Variants in SPHKAP observed in about 807,000 individuals in gnomAD.
SPHKAP encodes A-kinase anchor protein SPHKAP.
SPHKAP carries 67 observed loss-of-function variants against 137.5 expected under a neutral mutation model. The observed-to-expected ratio is 0.49, with a 90% CI of 0.40 to 0.60. SPHKAP has a LOEUF of 0.60. Among genes scored for constraint, SPHKAP ranks in the 20% least tolerant of loss-of-function variants. SPHKAP has a pLI of 0.00. For synonymous variants in SPHKAP, 813 were observed against 785.3 expected (o/e 1.04, Z -0.59); for missense variants, 2,097 against 2,069.3 (o/e 1.01, Z -0.26).
chr2:228,067,314 A>G (rs575258457), intron 3 of SPHKAP, among the ~76,000 whole-genome samples: 1 of 152,378 alleles, frequency 6.6e-6, no homozygotes, highest in East Asian at 1.9e-4. Context: ...AAATAGATCT[A>G]TTTTAAAAAA....
At chr2:228,113,882 A>T (rs1698612383) in intron 2 of SPHKAP, among the ~76,000 whole-genome samples, 1 of 152,138 alleles carries the variant, frequency 6.6e-6, no homozygotes, top group African/African-American at 2.4e-5. Context: ...TAAGTAAAAG[A>T]GAATAAAAAT....
chr2:228,070,509 G>C (rs911092874), intron 3 of SPHKAP, among the ~76,000 whole-genome samples: 22 of 152,092 alleles, frequency 1.4e-4, no homozygotes, highest in Non-Finnish European at 1.0e-4. Flanking sequence ...CTTAGTCTCG[G>C]TGCCTCTATC....
chr2:228,114,076 C>A (rs1182889287), intron 2 of SPHKAP, among the ~76,000 whole-genome samples: 1 of 152,066 alleles, frequency 6.6e-6, no homozygotes, highest in Non-Finnish European at 1.5e-5. Context: ...GAGTTGCTTT[C>A]TGAGAAGGAA....
chr2:228,146,341 A>T (rs1057343662), intron 1 of SPHKAP, among the ~76,000 whole-genome samples: 2 of 152,184 alleles, frequency 1.3e-5, no homozygotes, highest in African/African-American at 4.8e-5. Context: ...TGACACATAT[A>T]TCCACCATTA....
chr2:228,152,194 T>C (rs1699955567), intron 1 of SPHKAP, among the ~76,000 whole-genome samples: 1 of 152,180 alleles, frequency 6.6e-6, no homozygotes, highest in Admixed American at 6.5e-5. Context: ...TCGGTTGTAG[T>C]ATTCTATATA....
chr2:228,062,178 T>C (rs1358640992), intron 3 of SPHKAP, among the ~76,000 whole-genome samples: 1 of 151,848 alleles, frequency 6.6e-6, no homozygotes, highest in Non-Finnish European at 1.5e-5. Flanking sequence ...TTTTTCTTTT[T>C]TTTTTTTTAA....
At chr2:228,131,036 T>A (rs1699233898) in intron 2 of SPHKAP, among the ~76,000 whole-genome samples, 1 of 152,092 alleles carries the variant, frequency 6.6e-6, no homozygotes, top group African/African-American at 2.4e-5. Flanking sequence ...ACTTGAAAAC[T>A]AGAAACTTAT....
At chr2:228,061,092 T>G (rs1696616340) in intron 3 of SPHKAP, among the ~76,000 whole-genome samples, 1 of 152,108 alleles carries the variant, frequency 6.6e-6, no homozygotes, top group African/African-American at 2.4e-5. Flanking sequence ...ATGTGTGGGT[T>G]TTCTTTTCTT....
intron 5 of SPHKAP, 176 bp from the exon 6 acceptor site, chr2:228,022,142 T>C (rs185245718): frequency 3.6e-4 from 357 of 985,072 alleles, no homozygotes; most frequent in Non-Finnish European, 4.1e-4. Context: ...CAAGTGATGT[T>C]TGGAACACAA....
intron 3 of SPHKAP, among the ~76,000 whole-genome samples, chr2:228,058,437 A>G (rs1696521618): frequency 6.6e-6 from 1 of 152,160 alleles, no homozygotes; most frequent in South Asian, 2.1e-4. Flanking sequence ...TTAACATTTT[A>G]CTGTACTCTG....
intron 1 of SPHKAP, among the ~76,000 whole-genome samples, chr2:228,147,532 A>G (rs756912394): frequency 6.6e-6 from 1 of 152,198 alleles, no homozygotes; most frequent in Non-Finnish European, 1.5e-5. Flanking sequence ...TTCTTATGCC[A>G]TAAGGTGTGG....
intron 1 of SPHKAP, among the ~76,000 whole-genome samples, chr2:228,144,577 A>G (rs1262683160): frequency 6.6e-6 from 1 of 151,940 alleles, no homozygotes; most frequent in East Asian, 1.9e-4. Flanking sequence ...AATATATACT[A>G]TTTTGTGACT....
chr2:228,118,891 T>C (rs1402193717), intron 2 of SPHKAP, among the ~76,000 whole-genome samples: 3 of 152,198 alleles, frequency 2.0e-5, no homozygotes, highest in African/African-American at 7.2e-5. Flanking sequence ...AAAAAACCAT[T>C]TTCCTTTTCA....
intron 2 of SPHKAP, among the ~76,000 whole-genome samples, chr2:228,117,313 T>C (rs557020252): frequency 1.3e-5 from 2 of 152,230 alleles, no homozygotes; most frequent in Admixed American, 6.6e-5. Context: ...TATTAATGAA[T>C]GTGTGCTGGA....
chr2:228,155,229 T>C (rs1700075018), intron 1 of SPHKAP, among the ~76,000 whole-genome samples: 1 of 152,154 alleles, frequency 6.6e-6, no homozygotes, highest in Admixed American at 6.5e-5. Flanking sequence ...TGTTCATTTT[T>C]TTTTTTGGGT....
intron 1 of SPHKAP, among the ~76,000 whole-genome samples, chr2:228,162,443 C>A (rs1353039710): frequency 1.3e-5 from 2 of 152,160 alleles, no homozygotes; most frequent in Admixed American, 6.5e-5. Context: ...GATTGGTAAG[C>A]TTTATCTTAG....
chr2:228,044,162 C>G (rs1695946299), intron 3 of SPHKAP, among the ~76,000 whole-genome samples: 1 of 152,134 alleles, frequency 6.6e-6, no homozygotes, highest in African/African-American at 2.4e-5. Flanking sequence ...ATTGAGCAAA[C>G]ACTTTGTACA....
At chr2:228,088,603 G>A (rs1170101754) in intron 3 of SPHKAP, among the ~76,000 whole-genome samples, 1 of 152,216 alleles carries the variant, frequency 6.6e-6, no homozygotes, top group Non-Finnish European at 1.5e-5. Context: ...ATGGTGAAAT[G>A]TAATTTCCAA....
At chr2:228,062,399 ACAGG>A (rs72217939) in intron 3 of SPHKAP, among the ~76,000 whole-genome samples, 2,795 of 152,118 alleles carry the variant, frequency 0.018, 77 homozygotes, top group African/African-American at 0.062. Context: ...TGCTGGGATT[ACAGG>A]CAGGCGTGAG....
Sources: gnomAD v4.1 joint callset for allele counts (sites outside exome capture counted in the v4.1 genomes callset) on GRCh38, gnomAD v4.1.1 for gene constraint, MANE v1.5 for transcripts, NCBI Gene and HGNC (gene_info 2026-07-23, HGNC 2026-07-21) for gene names.